SCAMP2: variants seen among roughly 807,000 people sequenced by gnomAD.
SCAMP2 encodes the protein secretory carrier-associated membrane protein 2.
A neutral mutation model predicts 44.1 loss-of-function variants in SCAMP2; 25 were observed. The observed-to-expected ratio is 0.57, with a 90% CI of 0.41 to 0.79. The LOEUF (loss-of-function observed/expected upper bound fraction) is 0.79, where lower values mean the gene tolerates loss of function less well. Among genes scored for constraint, SCAMP2 ranks in the 30% least tolerant of loss-of-function variants. SCAMP2 has a pLI of 0.00. For missense variants in SCAMP2, 355 were observed against 411.0 expected (o/e 0.86, Z 1.18); for synonymous variants, 156 against 166.0 (o/e 0.94, Z 0.46).
intron 1 of SCAMP2, among the ~76,000 whole-genome samples, chr15:74,859,208 A>C (rs112010197): frequency 3.0e-4 from 45 of 152,252 alleles, no homozygotes; most frequent in African/African-American, 9.9e-4. Flanking sequence ...CAGAGTGGCT[A>C]TTGCCCTTTA....
rs2064438246 is a variant in SCAMP2 at position 74,851,986 on chromosome 15, A to C, written c.343+83T>G. ...AAAACTCTAAGGCAGCTCAGGGTGA[A>C]TGCTGGGAGGCCCTCCGCACAGGTT... On this transcript the variant is annotated intron_variant, in intron 4 of 8. Coordinates refer to ENST00000268099, the MANE Select transcript of SCAMP2 (RefSeq NM_005697.5). The C allele has an allele frequency of 3.4e-6, 3 of 895,390 alleles. No individual in the cohort carries two copies. In the South Asian group the frequency reaches 6.1e-5, roughly 18 times the overall value. The allele number at this position is 895,390 out of a possible 1,614,324, so 55.5% of individuals were successfully genotyped here.
chr15:74,848,067 G>A (rs915341237), intron 7 of SCAMP2, among the ~76,000 whole-genome samples: 5 of 146,312 alleles, frequency 3.4e-5, no homozygotes, highest in African/African-American at 1.3e-4. Context: ...GGAAGATAGT[G>A]TCTTTTTTTT....
Position 74,851,476 on chromosome 15 carries a change from G to T in SCAMP2, c.349C>A (p.Gln117Lys), listed in dbSNP as rs751484094. 2.5e-6 allele frequency: 4 copies of T among 1,613,862 alleles called. No individual in the cohort carries two copies. Among genetic ancestry groups the T allele is most frequent in the Non-Finnish European group, 3.4e-6 (4 of 1,179,804 alleles). Residue 117 changes from glutamine to lysine, a missense_variant, in exon 5 of 9, where the codon CAG (glutamine) becomes AAG (lysine). By Grantham distance (53) the Gln-to-Lys change is moderately conservative. Coordinates refer to ENST00000268099, the MANE Select transcript of SCAMP2 (RefSeq NM_005697.5). ...QNTVANLHVR[Q>K]NNWPPLPSWC... ...GAGGGCAGAGGGGGCCAGTTGTTCT[G>T]TCTCACTGGGTAGGGCAAAAAGAGT...
At chr15:74,868,646 G>C (rs1232356042) in intron 1 of SCAMP2, among the ~76,000 whole-genome samples, 1 of 152,162 alleles carries the variant, frequency 6.6e-6, no homozygotes, top group Non-Finnish European at 1.5e-5. Context: ...AGGCTCAAGT[G>C]ATCCCCCTGT....
chr15:74,867,508 C>T (rs1567255962), intron 1 of SCAMP2, among the ~76,000 whole-genome samples: 1 of 152,178 alleles, frequency 6.6e-6, no homozygotes. Flanking sequence ...AAGAACCCTG[C>T]CATTTTCAAA....
rs1182856513 is a variant in SCAMP2 at position 74,845,100 on chromosome 15, C to T, written c.973G>A (p.Ala325Thr). The change falls in exon 9 of 9, where the codon GCC (alanine) becomes ACC (threonine). Residue 325 changes from alanine to threonine, a missense_variant. By Grantham distance (58) the Ala-to-Thr change is moderately conservative. Transcript: ENST00000268099. ...HRAASSAAQGAFQGN is the reference protein window; with the variant it reads ...HRAASSAAQGTFQGN The stretch of plus-strand genomic sequence containing the variant: ...GAGGAGGACTAATTCCCCTGGAAGG[C>T]TCCTTGGGCAGCAGATGAAGCAGCT... 11 of 1,613,774 alleles carry T rather than the reference C, an allele frequency of 6.8e-6. 1 individual carries two copies. In the Admixed American group the frequency reaches 1.0e-4, roughly 15 times the overall value.
chr15:74,847,740 T>C (rs1436702246), intron 7 of SCAMP2, among the ~76,000 whole-genome samples: 1 of 152,182 alleles, frequency 6.6e-6, no homozygotes, highest in African/African-American at 2.4e-5. Context: ...AAGGAAAACA[T>C]CAGCCATCAG....
At position 74,844,135 on chromosome 15, in the gene SCAMP2, A is replaced by T. The variant is rs1263477741; in HGVS notation, c.*948T>A. The T allele has an allele frequency of 7.7e-6, 1 of 129,224 alleles. No homozygotes were observed. Among genetic ancestry groups the T allele is most frequent in the African/African-American group, 2.9e-5 (1 of 34,962 alleles). The allele number at this position is 129,224 out of a possible 1,614,324, so 8.0% of individuals were successfully genotyped here. On this transcript the variant is annotated 3_prime_UTR_variant, in exon 9 of 9. Transcript: ENST00000268099. ...CTTCCTGAAAGTCTGGATGCTGCTG[A>T]TGGGGAGCATGGGCGGGGCAGGTGG...
At chr15:74,854,684 G>A (rs922034403) in intron 1 of SCAMP2, 35 bp from the exon 2 acceptor site, 2 of 1,572,632 alleles carry the variant, frequency 1.3e-6, no homozygotes, top group Non-Finnish European at 1.7e-6. Flanking sequence ...AGACACAGTG[G>A]AGAAAATCCG....
At chr15:74,847,325 C>T (rs574290757) in intron 7 of SCAMP2, among the ~76,000 whole-genome samples, 1 of 152,130 alleles carries the variant, frequency 6.6e-6, no homozygotes, top group Non-Finnish European at 1.5e-5. Flanking sequence ...CCTTCCTGAC[C>T]TCAGGTGATC....
intron 1 of SCAMP2, among the ~76,000 whole-genome samples, chr15:74,855,586 C>T (rs1349468460): frequency 4.6e-5 from 7 of 151,878 alleles, no homozygotes; most frequent in African/African-American, 1.4e-4. Flanking sequence ...TGTGGTGGCG[C>T]ATGCCTGTAA....
At chr15:74,866,306 C>T (rs910491685) in intron 1 of SCAMP2, among the ~76,000 whole-genome samples, 3 of 151,690 alleles carry the variant, frequency 2.0e-5, no homozygotes, top group Non-Finnish European at 4.4e-5. Flanking sequence ...CCATTAAGAT[C>T]TAAGAGTGAG....
At chr15:74,855,624 G>A (rs1596417259) in intron 1 of SCAMP2, among the ~76,000 whole-genome samples, 1 of 150,302 alleles carries the variant, frequency 6.7e-6, no homozygotes, top group Non-Finnish European at 1.5e-5. Flanking sequence ...ACTGAGGCAG[G>A]AGAATCACTT....
intron 7 of SCAMP2, 195 bp downstream of exon 7, chr15:74,848,405 G>GAA: frequency 2.0e-6 from 1 of 492,694 alleles, no homozygotes; most frequent in Non-Finnish European, 3.6e-6. Context: ...GTATCAAGGA[G>GAA]AAAAAAAAAG....
intron 3 of SCAMP2, chr15:74,853,552 C>T: frequency 2.1e-5 from 9 of 437,928 alleles, no homozygotes; most frequent in South Asian, 7.9e-5. Context: ...AGGGGTGCAG[C>T]GGGAGGGCAG....
In SCAMP2 at chr15:74,873,346, G is replaced by T; in HGVS notation, c.-91C>A. 8.2e-7 allele frequency: 1 copy of T among 1,213,968 alleles called. No homozygotes were observed. 75.2% of individuals were successfully genotyped at this position (1,213,968 alleles called of 1,614,324 possible). On this transcript the variant is annotated 5_prime_UTR_variant, in exon 1 of 9. Transcript: ENST00000268099. ...CGCTTCGTGTAGACCCTCCACTTCC[G>T]GGAGCGAGGCAGCGGTTCTGGCGCA...
At chr15:74,867,609 C>T (rs2141182390) in intron 1 of SCAMP2, among the ~76,000 whole-genome samples, 1 of 152,344 alleles carries the variant, frequency 6.6e-6, no homozygotes, top group Non-Finnish European at 1.5e-5. Context: ...CAAGCTGGGG[C>T]CAACCCTCTC....
intron 1 of SCAMP2, among the ~76,000 whole-genome samples, chr15:74,865,878 G>A (rs2064539385): frequency 6.7e-6 from 1 of 149,606 alleles, no homozygotes; most frequent in Admixed American, 6.7e-5. Flanking sequence ...TGGAGCCTAG[G>A]AGATTGAGGC....
intron 1 of SCAMP2, among the ~76,000 whole-genome samples, chr15:74,863,846 A>G (rs1021253552): frequency 6.6e-6 from 1 of 152,194 alleles, no homozygotes; most frequent in Non-Finnish European, 1.5e-5. Context: ...ATGGCACATG[A>G]TCAGCACTGT....
Sources: allele counts gnomAD v4.1 joint callset (sites outside exome capture counted in the v4.1 genomes callset), GRCh38; gene constraint gnomAD v4.1.1; transcripts MANE v1.5; gene names NCBI Gene and HGNC (gene_info 2026-07-23, HGNC 2026-07-21).